SPRED2: variants seen among roughly 807,000 people sequenced by gnomAD.
SPRED2 encodes sprouty-related, EVH1 domain-containing protein 2.
A neutral mutation model predicts 43.0 loss-of-function variants in SPRED2; 47 were observed. That is an observed-to-expected ratio of 1.09 (90% CI 0.87 to 1.40). The LOEUF (loss-of-function observed/expected upper bound fraction) is 1.40, where lower values mean the gene tolerates loss of function less well. Among genes scored for constraint, SPRED2 ranks in the 40% most tolerant of loss-of-function variants. SPRED2 has a pLI of 0.00. For synonymous variants in SPRED2, 225 were observed against 225.7 expected (o/e 1.00, Z 0.03); for missense variants, 561 against 586.4 (o/e 0.96, Z 0.45).
At chr2:65,309,505 C>CAAAAA (rs35507211), downstream of SPRED2, among the ~76,000 whole-genome samples, 1 of 59,994 alleles carries the variant, frequency 1.7e-5, no homozygotes, top group African/African-American at 7.1e-5. Flanking sequence ...GACCCTGTCT[C>CAAAAA]AAAAAAAAAA....
In SPRED2 at chr2:65,313,454, G is replaced by A. The variant is rs750514525; in HGVS notation, c.*47C>T. The A allele has an allele frequency of 2.6e-6, 4 of 1,558,042 alleles. 1 individual carries two copies. The highest frequency in any genetic ancestry group is 2.5e-5 in the South Asian group (2 of 80,878). ...GAGAAGATGAGAGTATGTAAGAGAC[G>A]AGTTCCCCTGTGGCTGCGGATGGAG... is the stretch of plus-strand genomic sequence containing the variant. On this transcript the variant is annotated 3_prime_UTR_variant, in exon 6 of 6. Transcript: ENST00000356388.
chr2:65,307,426 C>T (rs1291962938), downstream of SPRED2, among the ~76,000 whole-genome samples: 3 of 151,974 alleles, frequency 2.0e-5, no homozygotes, highest in Non-Finnish European at 4.4e-5. Flanking sequence ...GAACTCCTGA[C>T]CTCAAGTGAT....
rs200780379 is a variant in SPRED2 at position 65,313,822 on chromosome 2, G to A, written c.936C>T (p.Cys312=). 3.6e-4 allele frequency: 587 copies of A among 1,613,252 alleles called. No homozygotes were observed. Among genetic ancestry groups the A allele is most frequent in the Non-Finnish European group, 4.9e-4 (574 of 1,180,038 alleles). The change falls in exon 6 of 6, where the codon TGC becomes TGT. Residue 312 remains cysteine, a synonymous_variant. Transcript: ENST00000356388. ...TCTCCTCGTGGTTGAACATGTCCCT[G>A]CAGTACACGCACCGCGAGCGCTCTC... ...EDGERSRCVY[C]RDMFNHEENR... is the part of the protein sequence containing the mutation.
At chr2:65,391,851 T>A (rs188402608) in intron 1 of SPRED2, among the ~76,000 whole-genome samples, 5 of 152,362 alleles carry the variant, frequency 3.3e-5, no homozygotes, top group South Asian at 2.1e-4. Context: ...TTTTTCTTTC[T>A]GGTAATAATA....
rs1673114560 is a variant in SPRED2 at position 65,313,064 on chromosome 2, C to T, written c.*437G>A. 1 of 987,866 alleles carries T rather than the reference C, an allele frequency of 1.0e-6. No individual in the cohort carries two copies. Among genetic ancestry groups the T allele is most frequent in the Non-Finnish European group, 1.2e-6 (1 of 831,884 alleles). The allele number at this position is 987,866 out of a possible 1,614,324, so 61.2% of individuals were successfully genotyped here. ...GCTTGCTAGCGACAGGCAAGGTGAA[C>T]CAAGAGAAAGAGAGTCTTCGACGCT... On this transcript the variant is annotated 3_prime_UTR_variant, in exon 6 of 6. Transcript: ENST00000356388.
intron 1 of SPRED2, among the ~76,000 whole-genome samples, chr2:65,392,458 G>T (rs1285939675): frequency 1.3e-5 from 2 of 152,106 alleles, no homozygotes; most frequent in Admixed American, 1.3e-4. Context: ...TTACAGGCGT[G>T]AGCCACTAAA....
At chr2:65,368,362 C>T (rs996852614) in intron 1 of SPRED2, among the ~76,000 whole-genome samples, 1 of 152,190 alleles carries the variant, frequency 6.6e-6, no homozygotes, top group Non-Finnish European at 1.5e-5. Context: ...TTCCTCCTCA[C>T]GAGGACTGCA....
At chr2:65,363,886 G>A (rs1205818930) in intron 1 of SPRED2, among the ~76,000 whole-genome samples, 3 of 152,154 alleles carry the variant, frequency 2.0e-5, no homozygotes, top group Non-Finnish European at 1.5e-5. Flanking sequence ...CTAAAAATCT[G>A]CAAGCCAGCA....
intron 1 of SPRED2, among the ~76,000 whole-genome samples, chr2:65,347,348 C>T (rs1402477648): frequency 6.6e-6 from 1 of 152,078 alleles, no homozygotes; most frequent in African/African-American, 2.4e-5. Flanking sequence ...CTCTACTATG[C>T]TCATAGGACT....
intron 1 of SPRED2, among the ~76,000 whole-genome samples, chr2:65,395,333 G>T (rs888393366): frequency 6.6e-6 from 1 of 152,146 alleles, no homozygotes; most frequent in African/African-American, 2.4e-5. Flanking sequence ...CTTCAAGTCT[G>T]TGTGTGGGGT....
chr2:65,424,495 T>TC (rs1310922955), intron 1 of SPRED2, among the ~76,000 whole-genome samples: 2 of 152,034 alleles, frequency 1.3e-5, no homozygotes, highest in African/African-American at 4.8e-5. Flanking sequence ...GGCATGGTGG[T>TC]GTACACCTGT....
At chr2:65,401,375 G>T (rs1451369598) in intron 1 of SPRED2, among the ~76,000 whole-genome samples, 3 of 152,116 alleles carry the variant, frequency 2.0e-5, no homozygotes, top group African/African-American at 7.2e-5. Context: ...TTAGCAAGAA[G>T]ACCCCCCCAG....
chr2:65,358,201 A>G (rs1331320952), intron 1 of SPRED2, among the ~76,000 whole-genome samples: 3 of 152,350 alleles, frequency 2.0e-5, no homozygotes, highest in Admixed American at 6.5e-5. Context: ...ACAATTATGA[A>G]GTTTCCAGGA....
At chr2:65,429,333 C>T (rs1424283711) in intron 1 of SPRED2, among the ~76,000 whole-genome samples, 2 of 152,182 alleles carry the variant, frequency 1.3e-5, no homozygotes, top group Non-Finnish European at 2.9e-5. Flanking sequence ...GCCACCAGTT[C>T]TCTTAAGTAG....
chr2:65,365,442 A>G (rs1218465885), intron 1 of SPRED2, among the ~76,000 whole-genome samples: 1 of 152,262 alleles, frequency 6.6e-6, no homozygotes, highest in Non-Finnish European at 1.5e-5. Context: ...TAAAATTCAT[A>G]CACTTCAAGG....
chr2:65,424,519 T>C (rs1266459421), intron 1 of SPRED2, among the ~76,000 whole-genome samples: 1 of 151,872 alleles, frequency 6.6e-6, no homozygotes, highest in Non-Finnish European at 1.5e-5. Flanking sequence ...CGCAGCTACT[T>C]GGGAGGCTGA....
At chr2:65,328,481 G>A (rs1284655662) in intron 4 of SPRED2, among the ~76,000 whole-genome samples, 1 of 152,176 alleles carries the variant, frequency 6.6e-6, no homozygotes, top group East Asian at 1.9e-4. Flanking sequence ...CTGAGCTGTG[G>A]TGGCTTTATG....
In SPRED2 at chr2:65,418,844, C is replaced by T. The variant is rs187034305; in HGVS notation, c.26+13118G>A. Among the ~76,000 whole-genome samples the T allele has an allele frequency of 5.3e-4, 80 of 151,208 alleles. 1 individual carries two copies. Among genetic ancestry groups the T allele is most frequent in the African/African-American group, 1.9e-3 (77 of 41,142 alleles). On this transcript the variant is annotated intron_variant, in intron 1 of 5. Coordinates refer to ENST00000356388, the MANE Select transcript of SPRED2 (RefSeq NM_181784.3). ...TGCTGGGATTACAGGTATGAGCCAC[C>T]GCACCTGGCCTTTAATTTCTTATCA...
chr2:65,333,092 C>G (rs1178258856), intron 3 of SPRED2, among the ~76,000 whole-genome samples: 1 of 151,782 alleles, frequency 6.6e-6, no homozygotes, highest in African/African-American at 2.4e-5. Context: ...ATAGTGAAAC[C>G]CTGTCTCTAC....
Sources: gnomAD v4.1 joint callset for allele counts (sites outside exome capture counted in the v4.1 genomes callset) on GRCh38, gnomAD v4.1.1 for gene constraint, MANE v1.5 for transcripts, NCBI Gene and HGNC (gene_info 2026-07-23, HGNC 2026-07-21) for gene names.